Variants in BLCAP observed in about 807,000 individuals in gnomAD.
The protein encoded by BLCAP is apoptosis inducing factor BLCAP.
BLCAP carries 1 observed loss-of-function variant against 5.7 expected under a neutral mutation model. The observed-to-expected ratio is 0.18, with a 90% CI of 0.06 to 0.83. The LOEUF is 0.83. BLCAP is among the 40% of genes least tolerant of loss of function. The pLI, the probability that BLCAP is intolerant of heterozygous loss-of-function variation, is 0.71. For synonymous variants in BLCAP, 48 were observed against 49.4 expected (o/e 0.97, Z 0.11); for missense variants, 66 against 107.6 (o/e 0.61, Z 1.71).
At chr20:37,523,181 G>A (rs1218460627) in intron 1 of BLCAP, 1 of 164,892 alleles carries the variant, frequency 6.1e-6, no homozygotes, top group Non-Finnish European at 1.3e-5. Context: ...GCCAGCCGAC[G>A]CCCTGAATCT....
At position 37,519,256 on chromosome 20, in the gene BLCAP, C is replaced by T. The variant is rs2071473684; in HGVS notation, c.-82G>A. The T allele has an allele frequency of 2.1e-6, 3 of 1,459,860 alleles. No individual in the cohort carries two copies. The highest frequency in any genetic ancestry group is 2.4e-5 in the Admixed American group (1 of 41,938). 90.4% of individuals were successfully genotyped at this position (1,459,860 alleles called of 1,614,324 possible). On this transcript the variant is annotated 5_prime_UTR_variant, in exon 2 of 2. Transcript: ENST00000373537. ...CCTAATGGGAGCCAGCGGGCGCAGG[C>T]GGCTGCCCTCCGCTTTCTTCAACCC...
rs2071458378 is a variant in BLCAP, at chr20:37,518,742, T to G, written c.*169A>C. On this transcript the variant is annotated 3_prime_UTR_variant, in exon 2 of 2. Coordinates refer to ENST00000373537, the MANE Select transcript of BLCAP (RefSeq NM_006698.4). ...TAGGACTTTACAATAAAAGCACCGG[T>G]CAGTGCCATTATTCACATTGTAAGG... The G allele has an allele frequency of 3.2e-6, 3 of 937,002 alleles. No homozygotes were observed. The highest frequency in any genetic ancestry group is 1.7e-5 in the African/African-American group (1 of 60,274). The allele number at this position is 937,002 out of a possible 1,614,324, so 58.0% of individuals were successfully genotyped here.
At chr20:37,522,413 G>GT (rs2071615431) in intron 1 of BLCAP, 1 of 1,613,940 alleles carries the variant, frequency 6.2e-7, no homozygotes, top group Non-Finnish European at 8.5e-7. Context: ...AATCCTCCAG[G>GT]GACACAGCCC....
chr20:37,519,739 G>A (rs1172908157), intron 1 of BLCAP, among the ~76,000 whole-genome samples: 1 of 152,240 alleles, frequency 6.6e-6, no homozygotes. Context: ...ACCGCCCAGT[G>A]GTTGCCAAAG....
chr20:37,525,476 G>A (rs772668446), intron 1 of BLCAP, among the ~76,000 whole-genome samples: 4 of 152,218 alleles, frequency 2.6e-5, no homozygotes, highest in Admixed American at 1.3e-4. Flanking sequence ...CCATCAGCAG[G>A]GCTGTGAGTG....
chr20:37,527,450 C>G (rs1601102127), intron 1 of BLCAP: 2 of 151,182 alleles, frequency 1.3e-5, no homozygotes, highest in East Asian at 3.9e-4. Flanking sequence ...TGCCGTGGAA[C>G]CCGGGGCTGC....
At chr20:37,520,015 T>C (rs1311245788) in intron 1 of BLCAP, among the ~76,000 whole-genome samples, 1 of 152,218 alleles carries the variant, frequency 6.6e-6, no homozygotes, top group Non-Finnish European at 1.5e-5. Flanking sequence ...AAAGTCAATG[T>C]AGAAAAAAAG....
In BLCAP at chr20:37,521,282, G is replaced by T; in HGVS notation, c.-176-1932C>A. 1 of 1,593,652 alleles carries T rather than the reference G, an allele frequency of 6.3e-7. No individual in the cohort carries two copies. Among genetic ancestry groups the T allele is most frequent in the Non-Finnish European group, 8.6e-7 (1 of 1,161,642 alleles). ...CCAACAGCGGACTCCGAGACCAGCG[G>T]ATCTCGGCAAACCCTCTTTCTCGAC... On this transcript the variant is annotated intron_variant, in intron 1 of 1. Coordinates refer to ENST00000373537, the MANE Select transcript of BLCAP (RefSeq NM_006698.4). The surrounding 1 kb of genome is among the most constrained non-coding windows in gnomAD (Gnocchi z 4.5).
rs780300220 is a variant in BLCAP at position 37,518,929 on chromosome 20, G to A, written c.246C>T (p.Pro82=). 4 of 1,614,062 alleles carry A rather than the reference G, an allele frequency of 2.5e-6. No homozygotes were observed. The highest frequency in any genetic ancestry group is 1.3e-5 in the African/African-American group (1 of 74,928). ...CAGGCCGTTAGGTGCCCACAACGCC[G>A]GGATCATGCGCCGATTCTGGAAGCG... ...DSPLPESAHD[P]GVVGT The change falls in exon 2 of 2, where the codon CCC becomes CCT. Residue 82 remains proline (P), a synonymous_variant. Transcript: ENST00000373537.
chr20:37,519,732 G>A (rs1568682742), intron 1 of BLCAP, among the ~76,000 whole-genome samples: 1 of 152,194 alleles, frequency 6.6e-6, no homozygotes, highest in African/African-American at 2.4e-5. Context: ...TCACAATACC[G>A]CCCAGTGGTT....
At chr20:37,526,568 G>A (rs1398295081) in intron 1 of BLCAP, 1 of 151,508 alleles carries the variant, frequency 6.6e-6, no homozygotes, top group African/African-American at 2.4e-5. Flanking sequence ...TATCGCACAG[G>A]GACAGGCTTG....
chr20:37,518,568 G>C lies in BLCAP; in HGVS notation c.*343C>G. 1 of 239,852 alleles carries C rather than the reference G, an allele frequency of 4.2e-6. No homozygotes were observed. Among genetic ancestry groups the C allele is most frequent in the Non-Finnish European group, 8.2e-6 (1 of 121,400 alleles). The allele number at this position is 239,852 out of a possible 1,614,324, so 14.9% of individuals were successfully genotyped here. A position where few individuals can be genotyped will look rare whatever the true frequency, so the allele number is the denominator to read the frequency against. On this transcript the variant is annotated 3_prime_UTR_variant, in exon 2 of 2. Transcript: ENST00000373537. Reference sequence around the variant, plus strand: ...GGGTCACAGAGGTGACAATGAGACTGGCATTTTATCTGCCCCAGGTCACAT... The same window carrying C: ...GGGTCACAGAGGTGACAATGAGACTCGCATTTTATCTGCCCCAGGTCACAT...
chr20:37,522,198 TA>T (rs5841264), intron 1 of BLCAP, among the ~76,000 whole-genome samples: 29 of 144,988 alleles, frequency 2.0e-4, no homozygotes, highest in African/African-American at 5.6e-4. Context: ...AAAATAATAA[TA>T]AAAAAAATAA....
At chr20:37,527,288 A>T (rs530921367) in intron 1 of BLCAP, among the ~76,000 whole-genome samples, 1 of 152,288 alleles carries the variant, frequency 6.6e-6, no homozygotes, top group South Asian at 2.1e-4. Flanking sequence ...GCAGAGCGTC[A>T]GCCTATCACC....
At position 37,518,754 on chromosome 20, in the gene BLCAP, T is replaced by C. The variant is rs2071458628; in HGVS notation, c.*157A>G. The C allele has an allele frequency of 3.8e-6, 4 of 1,056,914 alleles. No homozygotes were observed. Among genetic ancestry groups the C allele is most frequent in the Non-Finnish European group, 5.4e-6 (4 of 736,554 alleles). 65.5% of individuals were successfully genotyped at this position (1,056,914 alleles called of 1,614,324 possible). On this transcript the variant is annotated 3_prime_UTR_variant, in exon 2 of 2. Transcript: ENST00000373537. ...ATAAAAGCACCGGTCAGTGCCATTA[T>C]TCACATTGTAAGGATAAAACATCAC...
In BLCAP at chr20:37,521,225, A is replaced by T; in HGVS notation, c.-176-1875T>A. The T allele has an allele frequency of 8.4e-7, 1 of 1,191,294 alleles. No individual in the cohort carries two copies. The highest frequency in any genetic ancestry group is 1.2e-6 in the Non-Finnish European group (1 of 803,812). The allele number at this position is 1,191,294 out of a possible 1,614,324, so 73.8% of individuals were successfully genotyped here. A position where few individuals can be genotyped will look rare whatever the true frequency, so the allele number is the denominator to read the frequency against. ...GCACTTAGGTGGCGGGCGGGTACTT[A>T]AGGCGCGGCCACCGCGGCTGCGGCA... On this transcript the variant is annotated intron_variant, in intron 1 of 1. Transcript: ENST00000373537. The surrounding 1 kb of genome is among the most constrained non-coding windows in gnomAD (Gnocchi z 4.5).
intron 1 of BLCAP, chr20:37,522,836 G>A (rs967361861): frequency 9.6e-6 from 13 of 1,355,950 alleles, no homozygotes; most frequent in South Asian, 1.4e-5. Flanking sequence ...AGCCAGTGCC[G>A]CGCAGGAATG....
At chr20:37,522,715 G>A (rs745626058) in intron 1 of BLCAP, 2 of 1,611,894 alleles carry the variant, frequency 1.2e-6, no homozygotes, top group South Asian at 1.1e-5. Flanking sequence ...GTCGCGGACC[G>A]GGCGGCAGGT....
intron 1 of BLCAP, chr20:37,524,288 T>G (rs1454262119): frequency 2.0e-5 from 3 of 152,348 alleles, no homozygotes; most frequent in Non-Finnish European, 4.4e-5. Context: ...CAGGGTCTCC[T>G]GGCCCCACCT....
Sources: allele counts gnomAD v4.1 joint callset (sites outside exome capture counted in the v4.1 genomes callset), GRCh38; gene constraint gnomAD v4.1.1; non-coding constraint Gnocchi (gnomAD v3.1); transcripts MANE v1.5; gene names NCBI Gene and HGNC (gene_info 2026-07-23, HGNC 2026-07-21).